The following PKD2 variants were observed in gnomAD, a reference collection of about 807,000 sequenced individuals.
PKD2 encodes the protein polycystin 2, transient receptor potential cation channel, also known as polycystin-2.
Under a neutral mutation model 105.9 loss-of-function variants are expected in PKD2, and 48 were observed. The ratio of observed to expected loss-of-function variants is 0.45; its 90% CI spans 0.36 to 0.58. The LOEUF (loss-of-function observed/expected upper bound fraction) is 0.58. Among genes scored for constraint, PKD2 ranks in the 20% least tolerant of loss-of-function variants. The pLI, the probability that PKD2 is intolerant of heterozygous loss-of-function variation, is 0.00. For synonymous variants in PKD2, 464 were observed against 481.1 expected (o/e 0.96, Z 0.46); for missense variants, 1,078 against 1,255.3 (o/e 0.86, Z 2.13).
intron 1 of PKD2, among the ~76,000 whole-genome samples, chr4:88,013,139 C>T (rs1726443255): frequency 6.6e-6 from 1 of 152,022 alleles, no homozygotes; most frequent in Non-Finnish European, 1.5e-5. Flanking sequence ...TTTTTATTCG[C>T]ACCATAATTT....
At chr4:88,020,426 C>T (rs1253427233) in intron 2 of PKD2, among the ~76,000 whole-genome samples, 1 of 152,094 alleles carries the variant, frequency 6.6e-6, no homozygotes, top group Non-Finnish European at 1.5e-5. Context: ...CCATCTCTTT[C>T]GTCTTCTTTC....
chr4:88,026,957 C>T lies in PKD2; in HGVS notation c.709+7386C>T, dbSNP rs553006404. ...AAGACAAAAGTTGAGCTTTGGAAGC[C>T]GCTGCCTAGATTTCAGAGGATGTAT... On this transcript the variant is annotated intron_variant, in intron 2 of 14. Transcript: ENST00000237596. Among the ~76,000 whole-genome samples the T allele has an allele frequency of 2.3e-3, 353 of 152,322 alleles. 1 individual carries two copies. Among genetic ancestry groups the T allele is most frequent in the African/African-American group, 7.9e-3 (330 of 41,570 alleles).
chr4:88,018,621 G>C lies in PKD2; in HGVS notation c.596-837G>C, dbSNP rs143554964. On this transcript the variant is annotated intron_variant, in intron 1 of 14. Coordinates refer to ENST00000237596, the MANE Select transcript of PKD2 (RefSeq NM_000297.4). ...CACACTGTTCATTAACGGGGCTTTGGATGGCCACCATGTCTGCTGCTGGCT... is the reference window on the plus strand; with the variant it reads ...CACACTGTTCATTAACGGGGCTTTGCATGGCCACCATGTCTGCTGCTGGCT... Among the ~76,000 whole-genome samples, 5 of 152,308 alleles carry C rather than the reference G, an allele frequency of 3.3e-5. No homozygotes were observed. The East Asian group carries it at 9.6e-4, about 29-fold the overall frequency.
chr4:88,064,424 A>G (rs1720707710), intron 10 of PKD2, among the ~76,000 whole-genome samples: 1 of 152,170 alleles, frequency 6.6e-6, no homozygotes, highest in Non-Finnish European at 1.5e-5. Flanking sequence ...CTCCCTATAC[A>G]TTTATAACTG....
intron 13 of PKD2, among the ~76,000 whole-genome samples, chr4:88,073,188 TAA>T (rs370425542): frequency 5.4e-4 from 62 of 115,846 alleles, no homozygotes; most frequent in East Asian, 1.2e-3. Flanking sequence ...TTGTCTCTAT[TAA>T]AAAAAAAAAA....
Position 88,008,100 on chromosome 4 carries a change from C to T in PKD2, c.367C>T (p.Arg123Trp). 6.6e-7 allele frequency: 1 copy of T among 1,515,560 alleles called. No individual in the cohort carries two copies. Among genetic ancestry groups the T allele is most frequent in the Non-Finnish European group, 8.8e-7 (1 of 1,137,012 alleles). The allele number at this position is 1,515,560 out of a possible 1,614,324, so 93.9% of individuals were successfully genotyped here. A position where few individuals can be genotyped will look rare whatever the true frequency, so the allele number is the denominator to read the frequency against. Residue 123 changes from arginine (R) to tryptophan (W), a missense_variant, in exon 1 of 15, where the codon CGG becomes TGG. This residue lies in a region of PKD2 where 210 missense variants were observed against 187.9 expected (regional missense o/e 1.12). Coordinates refer to ENST00000237596, the MANE Select transcript of PKD2 (RefSeq NM_000297.4). ...GGACGTAGAGTGGCGCCCGGGCAGC[C>T]GGAGGTCGGCCGCCTCCTCGGCCGT... ...EMDVEWRPGS[R>W]RSAASSAVSS...
intron 4 of PKD2, 48 bp downstream of exon 4, chr4:88,038,549 T>G (rs1727429623): frequency 6.3e-7 from 1 of 1,588,478 alleles, no homozygotes. Flanking sequence ...ATTCATTTAT[T>G]CTCTGAACTC....
intron 2 of PKD2, among the ~76,000 whole-genome samples, chr4:88,025,551 C>A (rs1417577172): frequency 6.6e-6 from 1 of 150,686 alleles, no homozygotes; most frequent in African/African-American, 2.4e-5. Flanking sequence ...AAGATGGAGA[C>A]TGCAGTGAGC....
chr4:88,066,592 A>G (rs528268994), intron 12 of PKD2, among the ~76,000 whole-genome samples: 4 of 152,176 alleles, frequency 2.6e-5, no homozygotes, highest in Admixed American at 6.5e-5. Context: ...ACTGCAAGCA[A>G]TCTGCCCACC....
At chr4:88,044,159 G>T (rs749430935) in intron 5 of PKD2, among the ~76,000 whole-genome samples, 3 of 152,140 alleles carry the variant, frequency 2.0e-5, no homozygotes, top group Non-Finnish European at 4.4e-5. Context: ...CACCTTGGCA[G>T]AGCTTGCATC....
intron 4 of PKD2, among the ~76,000 whole-genome samples, chr4:88,041,963 G>A (rs1452693496): frequency 6.6e-6 from 1 of 152,150 alleles, no homozygotes; most frequent in Non-Finnish European, 1.5e-5. Flanking sequence ...CAGCCCTGTT[G>A]TGTGCCTCTT....
Position 88,043,449 on chromosome 4 carries a change from T to C in PKD2, c.1311T>C (p.Cys437=), listed in dbSNP as rs1163020945. ...SVYNANINLF[C]VVRLLVEFPA... ...ACAACGCCAACATTAACCTGTTCTG[T>C]GTGGTCAGGTGTGTACTGAGGACAT... Residue 437 remains cysteine, a synonymous_variant, in exon 5 of 15, where the codon TGT becomes TGC. Transcript: ENST00000237596. The C allele has an allele frequency of 6.2e-7, 1 of 1,601,816 alleles. No individual in the cohort carries two copies. The highest frequency in any genetic ancestry group is 1.1e-5 in the South Asian group (1 of 90,860).
chr4:88,069,452 G>A (rs1720931657), intron 13 of PKD2, among the ~76,000 whole-genome samples: 1 of 151,494 alleles, frequency 6.6e-6, no homozygotes, highest in African/African-American at 2.4e-5. Flanking sequence ...TTAGTCAGGA[G>A]TTGCTCTAAG....
chr4:88,075,624 C>T lies in PKD2; in HGVS notation c.2837C>T (p.Pro946Leu), dbSNP rs370039125. 70 of 1,614,064 alleles carry T rather than the reference C, an allele frequency of 4.3e-5. No homozygotes were observed. Among genetic ancestry groups the T allele is most frequent in the Middle Eastern group, 1.6e-4 (1 of 6,084 alleles). The change falls in exon 15 of 15, where the codon CCA becomes CTA. Residue 946 changes from proline (P) to leucine (L), a missense_variant. This residue lies in a region of PKD2 where 868 missense variants were observed against 1,067.3 expected (regional missense o/e 0.81). Coordinates refer to ENST00000237596, the MANE Select transcript of PKD2 (RefSeq NM_000297.4). The stretch of plus-strand genomic sequence containing the variant: ...CAACCTCGCCCCAGAAGCTCCCGCC[C>T]ATCTTCCTCCCAATCTACAGAAGGC... ...NGQPRPRSSR[P>L]SSSQSTEGME...
In PKD2 at chr4:88,053,469, C is replaced by T. The variant is rs138772580; in HGVS notation, c.1716+1311C>T. Among the ~76,000 whole-genome samples, 1,029 of 152,132 alleles carry T rather than the reference C, an allele frequency of 6.8e-3. 16 individuals carry two copies. Among genetic ancestry groups the T allele is most frequent in the African/African-American group, 0.024 (980 of 41,488 alleles). ...CCCAGGAGTCTGATACCAGCCTGGGCAACATGGCAAAACCTCATCTCTACT... is the reference window on the plus strand; with the variant it reads ...CCCAGGAGTCTGATACCAGCCTGGGTAACATGGCAAAACCTCATCTCTACT... On this transcript the variant is annotated intron_variant, in intron 7 of 14. Coordinates refer to ENST00000237596, the MANE Select transcript of PKD2 (RefSeq NM_000297.4).
rs879748605 is a variant in PKD2, at chr4:88,038,245, T to A, written c.844-6T>A. 5.6e-6 allele frequency: 9 copies of A among 1,614,004 alleles called. No homozygotes were observed. The highest frequency in any genetic ancestry group is 7.6e-6 in the Non-Finnish European group (9 of 1,179,894). ...ACTTTTTCAGAGATGTTTCCTTTGC[T>A]TTTAGTTCACAGAAGGCTCCTTATT... On this transcript the variant is annotated splice_polypyrimidine_tract_variant and splice_region_variant and intron_variant, in intron 3 of 14. Transcript: ENST00000237596.
intron 6 of PKD2, among the ~76,000 whole-genome samples, 189 bp downstream of exon 6, chr4:88,047,059 G>A (rs1031714095): frequency 5.3e-5 from 8 of 152,174 alleles, no homozygotes; most frequent in Non-Finnish European, 1.0e-4. Context: ...AGTATGAAGT[G>A]GAGAGGTATT....
chr4:88,033,153 G>A (rs951733529), intron 2 of PKD2, among the ~76,000 whole-genome samples: 4 of 152,078 alleles, frequency 2.6e-5, no homozygotes, highest in East Asian at 1.9e-4. Context: ...CAGGCTGGGC[G>A]CGGTGGCTCA....
At chr4:88,051,869 G>A in intron 6 of PKD2, 122 bp from the exon 7 acceptor site, 1 of 618,828 alleles carries the variant, frequency 1.6e-6, no homozygotes, top group Non-Finnish European at 2.9e-6. Flanking sequence ...AATGACATCG[G>A]GTAAGTATAA....
Sources: allele counts gnomAD v4.1 joint callset (sites outside exome capture counted in the v4.1 genomes callset), GRCh38; gene constraint gnomAD v4.1.1; regional missense constraint gnomAD v4.1.1; transcripts MANE v1.5; gene names NCBI Gene and HGNC (gene_info 2026-07-23, HGNC 2026-07-21).